Variants in SMAD4 observed in about 807,000 individuals in gnomAD.
SMAD4 encodes the protein MAD homolog 4.
In SMAD4, 7 loss-of-function variants were observed where a neutral mutation model predicts 63.2. The ratio of observed to expected loss-of-function variants is 0.11; its 90% CI spans 0.06 to 0.21. SMAD4 has a LOEUF of 0.21. Among genes scored for constraint, SMAD4 ranks in the 10% least tolerant of loss-of-function variants. SMAD4 has a pLI of 1.00. For missense variants in SMAD4, 312 were observed against 693.8 expected (o/e 0.45, Z 6.18); for synonymous variants, 215 against 235.4 (o/e 0.91, Z 0.79).
intron 10 of SMAD4, among the ~76,000 whole-genome samples, chr18:51,075,227 A>G (rs141583817): frequency 1.3e-5 from 2 of 152,226 alleles, no homozygotes; most frequent in South Asian, 2.1e-4. Flanking sequence ...ATGTTATTGT[A>G]TGTTTTTGTG....
At chr18:51,052,889 C>G (rs1449623425) in intron 4 of SMAD4, 3 of 154,268 alleles carry the variant, frequency 1.9e-5, no homozygotes, top group Non-Finnish European at 4.4e-5. Context: ...TCATAGTGTA[C>G]AATAGTGCTT....
At chr18:51,049,091 G>C (rs1909631188) in intron 3 of SMAD4, among the ~76,000 whole-genome samples, 1 of 152,098 alleles carries the variant, frequency 6.6e-6, no homozygotes, top group South Asian at 2.1e-4. Context: ...TTAGAACATT[G>C]TTTTTGAGAA....
intron 7 of SMAD4, among the ~76,000 whole-genome samples, chr18:51,059,543 T>C (rs74617444): frequency 6.6e-6 from 1 of 152,254 alleles, no homozygotes; most frequent in East Asian, 1.9e-4. Context: ...ATACATTGCA[T>C]TATAAATTGT....
Position 51,083,502 on chromosome 18 carries a change from T to C in SMAD4, c.*5035T>C, listed in dbSNP as rs1287970880. 2 of 228,924 alleles carry C rather than the reference T, an allele frequency of 8.7e-6. No individual in the cohort carries two copies. The highest frequency in any genetic ancestry group is 4.4e-5 in the African/African-American group (2 of 45,112). The allele number at this position is 228,924 out of a possible 1,614,324, so 14.2% of individuals were successfully genotyped here. Reference sequence around the variant, plus strand: ...TGTAGTAAGGACTAAGGAAAACCTTTGGTGAAGACAATCATTTCTCTCTGT... The same window carrying C: ...TGTAGTAAGGACTAAGGAAAACCTTCGGTGAAGACAATCATTTCTCTCTGT... On this transcript the variant is annotated 3_prime_UTR_variant, in exon 12 of 12. Transcript: ENST00000342988.
intron 8 of SMAD4, among the ~76,000 whole-genome samples, chr18:51,063,611 C>T (rs918291170): frequency 6.6e-6 from 1 of 152,192 alleles, no homozygotes; most frequent in Middle Eastern, 3.4e-3. Context: ...CGCGGTTTCA[C>T]CATGTTGCCC....
rs903897268 is a variant in SMAD4 at position 51,049,424 on chromosome 18, A to G, written c.454+100A>G. 24 of 853,462 alleles carry G rather than the reference A, an allele frequency of 2.8e-5. No homozygotes were observed. The African/African-American group carries it at 3.5e-4, about 12-fold the overall frequency. 52.9% of individuals were successfully genotyped at this position (853,462 alleles called of 1,614,324 possible). On this transcript the variant is annotated intron_variant, in intron 4 of 11. Transcript: ENST00000342988. ...GTTTGTGTGAGCGGCAGGCAGTAAC[A>G]TTAACAAGAAAATAACTTACTGCTT...
At chr18:51,042,596 A>G (rs926094129) in intron 1 of SMAD4, among the ~76,000 whole-genome samples, 17 of 1,874 alleles carry the variant, frequency 9.1e-3, no homozygotes, top group African/African-American at 0.029. Context: ...GGTCCTGGCA[A>G]CCGTGCCTTT....
At chr18:51,071,575 T>C (rs537214439) in intron 10 of SMAD4, among the ~76,000 whole-genome samples, 2 of 152,358 alleles carry the variant, frequency 1.3e-5, no homozygotes, top group South Asian at 4.1e-4. Context: ...TTTTGTGTTA[T>C]TTAGCACTGG....
chr18:51,068,867 G>A (rs994314746), intron 10 of SMAD4, among the ~76,000 whole-genome samples: 3 of 152,090 alleles, frequency 2.0e-5, no homozygotes, highest in African/African-American at 7.2e-5. Context: ...GCTGCGGAGA[G>A]CCATGATCAT....
At position 51,076,773 on chromosome 18, in the gene SMAD4, A is replaced by G. The variant is rs864622736; in HGVS notation, c.1444A>G (p.Ile482Val). 2 of 1,607,136 alleles carry G rather than the reference A, an allele frequency of 1.2e-6. No individual in the cohort carries two copies. The highest frequency in any genetic ancestry group is 8.5e-7 in the Non-Finnish European group (1 of 1,175,062). Residue 482 changes from isoleucine (I) to valine (V), a missense_variant, in exon 11 of 12, where the codon ATC becomes GTC. Around this residue, in one of 4 missense-constraint regions of SMAD4, gnomAD observed 92 missense variants for 305.9 expected, o/e 0.30. Coordinates refer to ENST00000342988, the MANE Select transcript of SMAD4 (RefSeq NM_005359.6). ...ATCAGTAGGTGGAATAGCTCCAGCTATCAGTAAGTATGCTTTTCATTCTTT... is the reference window on the plus strand; with the variant it reads ...ATCAGTAGGTGGAATAGCTCCAGCTGTCAGTAAGTATGCTTTTCATTCTTT... Reference protein sequence around the residue: ...PGSVGGIAPAISLSAAAGIGV... With the variant: ...PGSVGGIAPAVSLSAAAGIGV...
chr18:51,056,907 G>T (rs967606818), intron 5 of SMAD4, among the ~76,000 whole-genome samples: 2 of 152,100 alleles, frequency 1.3e-5, no homozygotes, highest in African/African-American at 4.8e-5. Flanking sequence ...TGTAGTTAAT[G>T]ACAATTTTTG....
In SMAD4 at chr18:51,084,231, A is replaced by C; in HGVS notation, c.*5764A>C. On this transcript the variant is annotated 3_prime_UTR_variant, in exon 12 of 12. Transcript: ENST00000342988. ...TGCTTGTAATTTTTTTTTTCAGTGAAAATGGATTGAAAACCTGTTGTTAAT... is the reference window on the plus strand; with the variant it reads ...TGCTTGTAATTTTTTTTTTCAGTGACAATGGATTGAAAACCTGTTGTTAAT... 4.3e-6 allele frequency: 1 copy of C among 230,054 alleles called. No homozygotes were observed. The highest frequency in any genetic ancestry group is 6.1e-5 in the East Asian group (1 of 16,286). The allele number at this position is 230,054 out of a possible 1,614,324, so 14.3% of individuals were successfully genotyped here. A position where few individuals can be genotyped will look rare whatever the true frequency, so the allele number is the denominator to read the frequency against.
rs1568205010 is a variant in SMAD4, at chr18:51,054,838, C to T, written c.512C>T (p.Ser171Leu). 1.9e-6 allele frequency: 3 copies of T among 1,613,698 alleles called. No individual in the cohort carries two copies. The highest frequency in any genetic ancestry group is 2.2e-5 in the East Asian group (1 of 44,882). ...GTGCATGACTTTGAGGGACAGCCAT[C>T]GTTGTCCACTGAAGGACATTCAATT... ...EYVHDFEGQP[S>L]LSTEGHSIQT... The change falls in exon 5 of 12, where the codon TCG (serine) becomes TTG (leucine). Residue 171 changes from serine to leucine, a missense_variant. Physicochemically the swap from Ser to Leu is moderately radical, Grantham distance 145. Transcript: ENST00000342988.
intron 10 of SMAD4, among the ~76,000 whole-genome samples, chr18:51,067,895 C>T (rs1329522991): frequency 1.3e-5 from 2 of 152,132 alleles, no homozygotes; most frequent in African/African-American, 4.8e-5. Flanking sequence ...ACCTGATAAG[C>T]CTGAAATATT....
chr18:51,038,045 G>C (rs1422989664), intron 1 of SMAD4, among the ~76,000 whole-genome samples: 3 of 152,168 alleles, frequency 2.0e-5, no homozygotes, highest in Non-Finnish European at 4.4e-5. Flanking sequence ...TTCTAGCACT[G>C]TGGGAGGCGG....
intron 5 of SMAD4, among the ~76,000 whole-genome samples, chr18:51,056,043 T>G (rs1909836913): frequency 2.0e-5 from 3 of 152,210 alleles, no homozygotes; most frequent in African/African-American, 4.8e-5. Context: ...GATGACAGTC[T>G]CACTATAGGC....
chr18:51,071,374 C>A (rs1300481001), intron 10 of SMAD4, among the ~76,000 whole-genome samples: 2 of 152,066 alleles, frequency 1.3e-5, no homozygotes, highest in Non-Finnish European at 2.9e-5. Context: ...GAAGCTAGGA[C>A]TAAATTGTGG....
At position 51,030,461 on chromosome 18, in the gene SMAD4, C is replaced by G. The variant is rs1393374627; in HGVS notation, c.-290C>G. On this transcript the variant is annotated 5_prime_UTR_variant, in exon 1 of 12. Transcript: ENST00000342988. ...CCCGGGAGCTCGAGGCGGTCCGGCC[C>G]GCGCGGGCAGCGGCGCGGCGCTGAG... The G allele has an allele frequency of 6.6e-6, 1 of 150,524 alleles. No homozygotes were observed. Among genetic ancestry groups the G allele is most frequent in the South Asian group, 2.1e-4 (1 of 4,836 alleles). 9.3% of individuals were successfully genotyped at this position (150,524 alleles called of 1,614,324 possible).
rs1599182589 is a variant in SMAD4 at position 51,048,856 on chromosome 18, A to C, written c.420A>C (p.Gly140=). 1 of 1,612,882 alleles carries C rather than the reference A, an allele frequency of 6.2e-7. No individual in the cohort carries two copies. Among genetic ancestry groups the C allele is most frequent in the African/African-American group, 1.3e-5 (1 of 75,000 alleles). ...ACTACGAACGAGTTGTATCACCTGG[A>C]ATTGGTAAGTAGACTTTGCTTTCAT... ...PYHYERVVSP[G]IDLSGLTLQS... Residue 140 remains glycine (G), a synonymous_variant, in exon 3 of 12, where the codon GGA becomes GGC. Coordinates refer to ENST00000342988, the MANE Select transcript of SMAD4 (RefSeq NM_005359.6).
Sources: gnomAD v4.1 joint callset for allele counts (sites outside exome capture counted in the v4.1 genomes callset) on GRCh38, gnomAD v4.1.1 for gene constraint, gnomAD v4.1.1 regional missense constraint, MANE v1.5 for transcripts, NCBI Gene and HGNC (gene_info 2026-07-23, HGNC 2026-07-21) for gene names.